The following HMGCLL1 variants were observed in gnomAD, a reference collection of about 807,000 sequenced individuals.
The protein encoded by HMGCLL1 is 3-hydroxy-3-methylglutaryl-CoA lyase like 1, also known as 3-hydroxymethyl-3-methylglutaryl-CoA lyase, cytoplasmic.
In HMGCLL1, 36 loss-of-function variants were observed where a neutral mutation model predicts 39.1. The ratio of observed to expected loss-of-function variants is 0.92; its 90% CI spans 0.71 to 1.22. HMGCLL1 has a LOEUF of 1.22. Among genes scored for constraint, HMGCLL1 ranks in the 50% most tolerant of loss-of-function variants. HMGCLL1 has a pLI of 0.00. For missense variants in HMGCLL1, 451 were observed against 416.5 expected (o/e 1.08, Z -0.72); for synonymous variants, 149 against 144.0 (o/e 1.03, Z -0.25).
chr6:55,448,379 GA>G (rs1763947005), intron 7 of HMGCLL1, among the ~76,000 whole-genome samples: 1 of 149,996 alleles, frequency 6.7e-6, no homozygotes, highest in African/African-American at 2.4e-5. Flanking sequence ...TACATAATAT[GA>G]AAAAATGAAT....
At chr6:55,626,274 T>G in the HMGCLL1 span, among the ~76,000 whole-genome samples, 1 of 152,100 alleles carries the variant, frequency 6.6e-6, no homozygotes, top group African/African-American at 2.4e-5. Flanking sequence ...CTACCATCAG[T>G]AGATCACAGA....
At position 55,488,515 on chromosome 6, in the gene HMGCLL1, T is replaced by A. The variant is rs574539101; in HGVS notation, c.795+6904A>T. Among the ~76,000 whole-genome samples, 3 of 151,996 alleles carry A rather than the reference T, an allele frequency of 2.0e-5. 1 individual carries two copies. The South Asian group carries it at 6.2e-4, about 31-fold the overall frequency. ...TCACATAGAAGATAACCAATAAACC[T>A]TTTTTTGGTTAAATTAGTACTTTTA... On this transcript the variant is annotated intron_variant, in intron 7 of 8. Transcript: ENST00000274901.
In HMGCLL1 at chr6:55,495,478, C is replaced by A. The variant is rs1157774516; in HGVS notation, c.736G>T (p.Ala246Ser). 1.2e-6 allele frequency: 2 copies of A among 1,614,050 alleles called. No homozygotes were observed. The highest frequency in any genetic ancestry group is 1.1e-5 in the South Asian group (1 of 91,080). ...VMKEIPPGAL[A>S]VHCHDTYGQA... ...CCGTATGTGTCATGACAGTGAACAG[C>A]AAGAGCACCTGGTGGGATTTCTTTC... The change falls in exon 7 of 9, where the codon GCT becomes TCT. Residue 246 changes from alanine (A) to serine (S), a missense_variant. Coordinates refer to ENST00000274901, the MANE Select transcript of HMGCLL1 (RefSeq NM_001042406.2).
At chr6:55,572,961 T>C (rs1771589552) in intron 1 of HMGCLL1, among the ~76,000 whole-genome samples, 1 of 152,186 alleles carries the variant, frequency 6.6e-6, no homozygotes, top group East Asian at 1.9e-4. Context: ...TTTTGAGGCA[T>C]TTGCCAATTC....
the HMGCLL1 span, among the ~76,000 whole-genome samples, chr6:55,589,266 A>T: frequency 6.6e-6 from 1 of 152,268 alleles, no homozygotes; most frequent in South Asian, 2.1e-4. Context: ...AAATCAACAA[A>T]CGTAATCCAG....
At chr6:55,618,331 A>T in the HMGCLL1 span, among the ~76,000 whole-genome samples, 4 of 152,026 alleles carry the variant, frequency 2.6e-5, no homozygotes, top group African/African-American at 9.7e-5. Flanking sequence ...TTCACCAAAA[A>T]AAGTAAAAAA....
chr6:55,490,213 T>G (rs1766240116), intron 7 of HMGCLL1, among the ~76,000 whole-genome samples: 1 of 152,146 alleles, frequency 6.6e-6, no homozygotes, highest in Non-Finnish European at 1.5e-5. Flanking sequence ...GTTTCCTTGG[T>G]CCAGTGAGCT....
At chr6:55,589,957 C>G in the HMGCLL1 span, among the ~76,000 whole-genome samples, 1 of 151,964 alleles carries the variant, frequency 6.6e-6, no homozygotes, top group African/African-American at 2.4e-5. Context: ...GAATCAATAT[C>G]GTGAAAATGG....
chr6:55,480,117 A>C (rs1003561779), intron 7 of HMGCLL1, among the ~76,000 whole-genome samples: 1 of 151,582 alleles, frequency 6.6e-6, no homozygotes, highest in African/African-American at 2.4e-5. Context: ...AATTACATCA[A>C]CTTAAAATAA....
intron 7 of HMGCLL1, among the ~76,000 whole-genome samples, chr6:55,456,408 C>T (rs1488523361): frequency 2.0e-5 from 3 of 152,182 alleles, no homozygotes; most frequent in Non-Finnish European, 4.4e-5. Context: ...AGTGCTATTT[C>T]ACTTACTTCA....
intron 3 of HMGCLL1, among the ~76,000 whole-genome samples, chr6:55,527,382 CAGG>C (rs1302831885): frequency 6.6e-6 from 1 of 151,936 alleles, no homozygotes; most frequent in Non-Finnish European, 1.5e-5. Context: ...CAAAACTTCT[CAGG>C]AGATGTTAGA....
At chr6:55,501,578 G>A (rs899148394) in intron 5 of HMGCLL1, among the ~76,000 whole-genome samples, 2 of 151,790 alleles carry the variant, frequency 1.3e-5, no homozygotes, top group African/African-American at 4.8e-5. Context: ...CCAGCTTCTG[G>A]ACTTCTGCTC....
At chr6:55,470,603 CACAAT>C (rs1321831389) in intron 7 of HMGCLL1, among the ~76,000 whole-genome samples, 2 of 151,688 alleles carry the variant, frequency 1.3e-5, no homozygotes, top group Non-Finnish European at 2.9e-5. Flanking sequence ...CAATTTAAAA[CACAAT>C]ACAATAAAAT....
At chr6:55,557,820 C>T (rs3925003) in intron 1 of HMGCLL1, among the ~76,000 whole-genome samples, 88,237 of 152,024 alleles carry the variant, frequency 0.58, 25,553 homozygotes, top group Admixed American at 0.64. Flanking sequence ...TTACGTTGCC[C>T]GTATAGAGTA....
At chr6:55,565,917 CT>C (rs113097722) in intron 1 of HMGCLL1, among the ~76,000 whole-genome samples, 11,794 of 152,016 alleles carry the variant, frequency 0.078, 997 homozygotes, top group African/African-American at 0.21. Flanking sequence ...TTACTCTCAG[CT>C]TTAACATTTG....
At chr6:55,477,563 A>T (rs1363768672) in intron 7 of HMGCLL1, among the ~76,000 whole-genome samples, 1 of 132,432 alleles carries the variant, frequency 7.6e-6, no homozygotes, top group African/African-American at 3.0e-5. Context: ...GACCAAAAAA[A>T]CCCACAAAAA....
chr6:55,580,455 G>T (rs1479759604), upstream of HMGCLL1, among the ~76,000 whole-genome samples: 4 of 110,996 alleles, frequency 3.6e-5, no homozygotes, highest in African/African-American at 1.4e-4. Context: ...TCGCTCTGTC[G>T]CCCAGGCTGG....
intron 3 of HMGCLL1, among the ~76,000 whole-genome samples, chr6:55,527,198 C>T (rs1286947592): frequency 1.3e-5 from 2 of 152,068 alleles, no homozygotes; most frequent in African/African-American, 2.4e-5. Flanking sequence ...CTAGAGAGAA[C>T]TCACCTTCAG....
At chr6:55,592,229 T>G in the HMGCLL1 span, among the ~76,000 whole-genome samples, 1 of 152,022 alleles carries the variant, frequency 6.6e-6, no homozygotes, top group South Asian at 2.1e-4. Flanking sequence ...GTCTTTTATT[T>G]TACCTTTCTC....
Sources: gnomAD v4.1 joint callset for allele counts (sites outside exome capture counted in the v4.1 genomes callset) on GRCh38, gnomAD v4.1.1 for gene constraint, MANE v1.5 for transcripts, NCBI Gene and HGNC (gene_info 2026-07-23, HGNC 2026-07-21) for gene names.